ARHGAP6: variants seen among roughly 807,000 people sequenced by gnomAD.
ARHGAP6 encodes Rho GTPase activating protein 6.
ARHGAP6 carries 16 observed loss-of-function variants against 55.7 expected under a neutral mutation model. The ratio of observed to expected loss-of-function variants is 0.29; its 90% CI spans 0.19 to 0.44. The LOEUF is 0.44. ARHGAP6 is among the 20% of genes least tolerant of loss of function. ARHGAP6 has a pLI of 1.00. For missense variants in ARHGAP6, 698 were observed against 808.9 expected, an observed-to-expected ratio of 0.86 and a Z score of 1.66; for synonymous variants, 382 against 360.9, an observed-to-expected ratio of 1.06 and a Z score of -0.66.
At chrX:11,408,120 CT>C (rs1011872724) in intron 1 of ARHGAP6, among the ~76,000 whole-genome samples, 3 of 110,958 alleles carry the variant, frequency 2.7e-5, no homozygotes, top group Non-Finnish European at 5.6e-5. Context: ...AAAAATAGAA[CT>C]ATAAGTCTTC....
intron 1 of ARHGAP6, among the ~76,000 whole-genome samples, chrX:11,319,317 A>C (rs767324927): frequency 8.9e-6 from 1 of 112,183 alleles, no homozygotes; most frequent in Admixed American, 9.5e-5. Flanking sequence ...TCTACATAGA[A>C]GTGCTTCTTA....
rs1169228110 is a variant in ARHGAP6, at chrX:11,471,464, C to T, written c.588+192777G>A. 2.7e-5 allele frequency among the ~76,000 whole-genome samples: 3 copies of T among 111,571 alleles called. No individual in the cohort carries two copies. In the East Asian group the frequency reaches 8.4e-4, roughly 31 times the overall value. ...TATAGCAAAAAATATGTTTAAAACT[C>T]AACAGTCTACTTTTGGACCACAACA... On this transcript the variant is annotated intron_variant, in intron 1 of 12. Transcript: ENST00000337414.
At chrX:11,513,732 C>G (rs68161663) in intron 1 of ARHGAP6, among the ~76,000 whole-genome samples, 1 of 110,360 alleles carries the variant, frequency 9.1e-6, no homozygotes, top group Non-Finnish European at 1.9e-5. Flanking sequence ...TGGAACCATG[C>G]GACAAATTCT....
chrX:11,573,727 G>T (rs1395075825), intron 1 of ARHGAP6, among the ~76,000 whole-genome samples: 12 of 110,287 alleles, frequency 1.1e-4, no homozygotes, highest in Admixed American at 9.7e-4. Flanking sequence ...GTGAAGAAAG[G>T]CATTGGTAGC....
chrX:11,369,294 T>G (rs1347170450), intron 1 of ARHGAP6, among the ~76,000 whole-genome samples: 2 of 111,016 alleles, frequency 1.8e-5, no homozygotes, highest in East Asian at 5.7e-4. Context: ...CTTTTCAAAT[T>G]TTAGTGTGCT....
chrX:11,144,356 G>A lies in ARHGAP6; in HGVS notation c.1908-108C>T, dbSNP rs1054324943. The A allele has an allele frequency of 4.8e-6, 5 of 1,052,475 alleles. No homozygotes were observed. The African/African-American group carries it at 9.3e-5, about 19-fold the overall frequency. 86.7% of individuals were successfully genotyped at this position (1,052,475 alleles called of 1,213,427 possible). On this transcript the variant is annotated intron_variant, in intron 10 of 12. Coordinates refer to ENST00000337414, the MANE Select transcript of ARHGAP6 (RefSeq NM_013427.3). ...GACTGGAGGAGTATGCGTGGACACGGGCTGAAACAAAAAGACCATTTTGAG... is the reference window on the plus strand; with the variant it reads ...GACTGGAGGAGTATGCGTGGACACGAGCTGAAACAAAAAGACCATTTTGAG...
chrX:11,422,157 G>A (rs187391201), intron 1 of ARHGAP6, among the ~76,000 whole-genome samples: 1 of 111,345 alleles, frequency 9.0e-6, no homozygotes, highest in East Asian at 2.8e-4. Context: ...AATGAGGGAA[G>A]TGGCTAGTGT....
chrX:11,444,592 C>T (rs148671861), intron 1 of ARHGAP6, among the ~76,000 whole-genome samples: 2 of 111,976 alleles, frequency 1.8e-5, no homozygotes, highest in Admixed American at 9.4e-5. Context: ...GGCATGATGG[C>T]TGGAAATATA....
chrX:11,226,509 G>C (rs2047052503), intron 2 of ARHGAP6, among the ~76,000 whole-genome samples: 1 of 111,269 alleles, frequency 9.0e-6, no homozygotes, highest in Non-Finnish European at 1.9e-5. Flanking sequence ...TGTATTTTTA[G>C]GATTCATGAA....
At chrX:11,183,284 T>C (rs1056436336) in intron 5 of ARHGAP6, among the ~76,000 whole-genome samples, 4 of 111,631 alleles carry the variant, frequency 3.6e-5, no homozygotes, top group African/African-American at 9.8e-5. Context: ...TTACTCCATA[T>C]TCCCCTCTGA....
chrX:11,192,386 C>T (rs920788722), intron 3 of ARHGAP6, among the ~76,000 whole-genome samples: 1 of 111,757 alleles, frequency 8.9e-6, no homozygotes, highest in African/African-American at 3.3e-5. Flanking sequence ...CCTGAACTTC[C>T]AAATCAGAAG....
chrX:11,585,886 T>C (rs2051727464), intron 1 of ARHGAP6, among the ~76,000 whole-genome samples: 1 of 111,650 alleles, frequency 9.0e-6, no homozygotes, highest in Non-Finnish European at 1.9e-5. Context: ...CTTCTGCCTA[T>C]ATTGTCAGAG....
chrX:11,462,738 T>C (rs768714599), intron 1 of ARHGAP6, among the ~76,000 whole-genome samples: 2 of 112,385 alleles, frequency 1.8e-5, no homozygotes, highest in South Asian at 3.7e-4. Context: ...ATTTATAATG[T>C]TGTGTGGTAA....
intron 1 of ARHGAP6, among the ~76,000 whole-genome samples, chrX:11,521,920 A>T (rs2147879128): frequency 9.0e-6 from 1 of 111,563 alleles, no homozygotes; most frequent in East Asian, 2.8e-4. Context: ...CTTTGAAGCA[A>T]TTCTGAATGG....
chrX:11,401,517 C>T (rs1395145662), intron 1 of ARHGAP6, among the ~76,000 whole-genome samples: 2 of 110,920 alleles, frequency 1.8e-5, no homozygotes. Flanking sequence ...CTTGCTTATA[C>T]GCCAATAGCA....
chrX:11,525,203 G>C (rs2050976688), intron 1 of ARHGAP6, among the ~76,000 whole-genome samples: 1 of 111,828 alleles, frequency 8.9e-6, no homozygotes, highest in Admixed American at 9.5e-5. Context: ...AATGCCACTA[G>C]CATCTTCCCT....
chrX:11,568,707 A>C (rs1485499768), intron 1 of ARHGAP6, among the ~76,000 whole-genome samples: 2 of 107,540 alleles, frequency 1.9e-5, no homozygotes, highest in Non-Finnish European at 3.8e-5. Context: ...CAGTGAGCTG[A>C]GATTGCGCCA....
At chrX:11,251,898 C>T (rs913800756) in intron 2 of ARHGAP6, among the ~76,000 whole-genome samples, 2 of 111,932 alleles carry the variant, frequency 1.8e-5, no homozygotes, top group African/African-American at 6.5e-5. Flanking sequence ...AACCCTCATG[C>T]GATGCCTGTT....
At chrX:11,174,629 T>G (rs868460660) in intron 8 of ARHGAP6, among the ~76,000 whole-genome samples, 14 of 24,779 alleles carry the variant, frequency 5.6e-4, no homozygotes, top group Middle Eastern at 0.031. Context: ...TTTCTTTTCT[T>G]TCTTTCTTTC....
Sources: gnomAD v4.1 joint callset for allele counts (sites outside exome capture counted in the v4.1 genomes callset) on GRCh38, gnomAD v4.1.1 for gene constraint, MANE v1.5 for transcripts, NCBI Gene and HGNC (gene_info 2026-07-23, HGNC 2026-07-21) for gene names.